Variants in RBFOX1 observed in about 807,000 individuals in gnomAD.
RBFOX1 encodes RNA binding protein fox-1 homolog 1.
In RBFOX1, 8 loss-of-function variants were observed where a neutral mutation model predicts 57.7. The observed-to-expected ratio is 0.14, with a 90% confidence interval of 0.08 to 0.25. The LOEUF is 0.25. Ranked by LOEUF, RBFOX1 falls within the 10% of genes least tolerant of loss-of-function variation. The pLI is 1.00. For synonymous variants in RBFOX1, 326 were observed against 222.4 expected, an observed-to-expected ratio of 1.47 and a Z score of -4.15; for missense variants, 611 against 548.5, an observed-to-expected ratio of 1.11 and a Z score of -1.14.
intron 5 of RBFOX1, among the ~76,000 whole-genome samples, chr16:7,561,242 C>A (rs1466029734): frequency 1.3e-5 from 2 of 152,196 alleles, no homozygotes; most frequent in African/African-American, 4.8e-5. Context: ...CAGCCACATT[C>A]ATGGTTCATT....
chr16:5,737,731 C>G (rs976225876), intron 3 of RBFOX1, among the ~76,000 whole-genome samples: 1 of 152,080 alleles, frequency 6.6e-6, no homozygotes, highest in Non-Finnish European at 1.5e-5. Context: ...GGCTGCACAA[C>G]TCTGTGAATT....
intron 14 of RBFOX1, among the ~76,000 whole-genome samples, chr16:7,689,687 G>T (rs751909684): frequency 6.6e-6 from 1 of 151,988 alleles, no homozygotes; most frequent in African/African-American, 2.4e-5. Flanking sequence ...ACAGGAATGG[G>T]AAAATACAGA....
intron 2 of RBFOX1, among the ~76,000 whole-genome samples, chr16:6,333,346 G>C (rs868279282): frequency 1.3e-5 from 2 of 152,184 alleles, no homozygotes; most frequent in Non-Finnish European, 1.5e-5. Flanking sequence ...CGCCCAGCCA[G>C]ACATTCTTTC....
At chr16:6,745,031 A>G (rs1305337412) in intron 3 of RBFOX1, among the ~76,000 whole-genome samples, 2 of 152,074 alleles carry the variant, frequency 1.3e-5, no homozygotes, top group East Asian at 1.9e-4. Flanking sequence ...TATTAAAAGA[A>G]AAATAAGATC....
chr16:6,657,965 C>T (rs74398686), intron 3 of RBFOX1, among the ~76,000 whole-genome samples: 2,627 of 151,972 alleles, frequency 0.017, 81 homozygotes, highest in African/African-American at 0.059. Flanking sequence ...CTGTCTACTT[C>T]GTTTCCAGAT....
intron 3 of RBFOX1, among the ~76,000 whole-genome samples, chr16:6,846,660 C>T (rs946828663): frequency 1.3e-5 from 2 of 152,128 alleles, no homozygotes; most frequent in African/African-American, 4.8e-5. Context: ...CTACAGACGT[C>T]AAATAACCAA....
intron 3 of RBFOX1, among the ~76,000 whole-genome samples, chr16:6,738,659 C>G (rs766602920): frequency 1.3e-5 from 2 of 152,154 alleles, no homozygotes; most frequent in African/African-American, 4.8e-5. Context: ...TTACAGAACC[C>G]TTTACCCCAA....
intron 3 of RBFOX1, among the ~76,000 whole-genome samples, chr16:5,742,645 G>A (rs1009086266): frequency 6.6e-6 from 1 of 152,174 alleles, no homozygotes; most frequent in African/African-American, 2.4e-5. Flanking sequence ...GGCAATTAAT[G>A]CTCAACTAGG....
intron 3 of RBFOX1, among the ~76,000 whole-genome samples, chr16:6,880,220 C>CA (rs2062653392): frequency 7.1e-6 from 1 of 141,486 alleles, no homozygotes; most frequent in Non-Finnish European, 1.6e-5. Flanking sequence ...AAATTTTCCA[C>CA]CGGGGGGTAG....
At chr16:7,223,712 G>GAAAAAAAAAAAA (rs71147673) in intron 4 of RBFOX1, among the ~76,000 whole-genome samples, 7 of 130,464 alleles carry the variant, frequency 5.4e-5, no homozygotes, top group Non-Finnish European at 8.4e-5. Flanking sequence ...CAGTGTTTCA[G>GAAAAAAAAAAAA]AAAAAAAAAA....
chr16:6,032,358 C>G (rs148657064), intron 1 of RBFOX1, among the ~76,000 whole-genome samples: 4 of 135,444 alleles, frequency 3.0e-5, no homozygotes, highest in Admixed American at 7.8e-5. Flanking sequence ...TAATTTGCCT[C>G]TAACCCAACT....
chr16:7,695,030 A>C (rs1383562132), intron 14 of RBFOX1, among the ~76,000 whole-genome samples: 1 of 152,206 alleles, frequency 6.6e-6, no homozygotes, highest in Non-Finnish European at 1.5e-5. Flanking sequence ...AATATTTCTA[A>C]GAAAGGCGAC....
At position 5,806,186 on chromosome 16, in the gene RBFOX1, G is replaced by T. The variant is rs146306085; in HGVS notation, c.319-61117G>T. 3.2e-3 allele frequency among the ~76,000 whole-genome samples: 492 copies of T among 152,294 alleles called. 1 individual carries two copies. The highest frequency in any genetic ancestry group is 0.012 in the African/African-American group (480 of 41,558). The stretch of plus-strand genomic sequence containing the variant: ...TTCTGTCTTTCTTCACCAGCCACTG[G>T]AGGGAGGTTTTCTCTATCCATTTGT... On this transcript the variant is annotated intron_variant, in intron 3 of 19. Transcript: ENST00000641259.
chr16:7,527,000 C>T (rs938093690), intron 5 of RBFOX1, among the ~76,000 whole-genome samples: 1 of 152,212 alleles, frequency 6.6e-6, no homozygotes, highest in African/African-American at 2.4e-5. Context: ...TCATTTCACC[C>T]TGGGGAGGGC....
intron 3 of RBFOX1, among the ~76,000 whole-genome samples, chr16:6,681,294 G>C (rs2058615667): frequency 6.6e-6 from 1 of 152,098 alleles, no homozygotes; most frequent in African/African-American, 2.4e-5. Context: ...CTCCAGTTTA[G>C]GTGACAGAGC....
chr16:5,794,164 C>T (rs979593878), intron 3 of RBFOX1, among the ~76,000 whole-genome samples: 1 of 152,122 alleles, frequency 6.6e-6, no homozygotes, highest in Admixed American at 6.5e-5. Flanking sequence ...AAAGTGAGCA[C>T]AGTAACAATC....
chr16:5,574,586 TG>T (rs914847356), intron 2 of RBFOX1, among the ~76,000 whole-genome samples: 1 of 151,866 alleles, frequency 6.6e-6, no homozygotes, highest in African/African-American at 2.4e-5. Flanking sequence ...AGCAATTTTT[TG>T]TTTGTTTGTT....
chr16:6,677,582 A>AG (rs1378196546), intron 3 of RBFOX1, among the ~76,000 whole-genome samples: 1 of 152,238 alleles, frequency 6.6e-6, no homozygotes, highest in Admixed American at 6.5e-5. Context: ...ATGACTCAGC[A>AG]GTTCATTAGA....
chr16:6,538,142 A>T (rs1038340593), intron 2 of RBFOX1, among the ~76,000 whole-genome samples: 17 of 152,274 alleles, frequency 1.1e-4, no homozygotes, highest in Admixed American at 3.3e-4. Context: ...ATGCTGTGCA[A>T]TGATTACCTC....
Sources: allele counts gnomAD v4.1 joint callset (sites outside exome capture counted in the v4.1 genomes callset), GRCh38; gene constraint gnomAD v4.1.1; transcripts MANE v1.5; gene names NCBI Gene and HGNC (gene_info 2026-07-23, HGNC 2026-07-21).